The following HEATR4 variants were observed in gnomAD, a reference collection of about 807,000 sequenced individuals.
HEATR4 encodes HEAT repeat containing 4.
In HEATR4, 95 loss-of-function variants were observed where a neutral mutation model predicts 108.8. The observed-to-expected ratio is 0.87, with a 90% CI of 0.74 to 1.04. HEATR4 has a LOEUF of 1.04. HEATR4 is among the 50% of genes least tolerant of loss of function. The pLI, the probability that HEATR4 is intolerant of heterozygous loss-of-function variation, is 0.00. For synonymous variants in HEATR4, 443 were observed against 459.4 expected (o/e 0.96, Z 0.46); for missense variants, 1,152 against 1,253.8 (o/e 0.92, Z 1.23).
rs1491302054 is a variant in HEATR4 at position 73,506,807 on chromosome 14, T to TTTTTTTTTTTTGTTTG, written c.1882-237_1882-236insCAAACAAAAAAAAAAA. Among the ~76,000 whole-genome samples, 7 of 102,220 alleles carry TTTTTTTTTTTTGTTTG rather than the reference T, an allele frequency of 6.8e-5. 1 individual carries two copies. Among genetic ancestry groups the TTTTTTTTTTTTGTTTG allele is most frequent in the Non-Finnish European group, 1.2e-4 (6 of 51,874 alleles). 67.1% of individuals were successfully genotyped at this position (102,220 alleles called of 152,430 possible). A position where few individuals can be genotyped will look rare whatever the true frequency, so the allele number is the denominator to read the frequency against. ...CCTTCCTTTCCTGACTTTAACTGTT[T>TTTTTTTTTTTTGTTTG]TTTTTTTTTTTTTTTTTTCTGAGAA... is the stretch of plus-strand genomic sequence containing the variant. On this transcript the variant is annotated intron_variant, in intron 9 of 17. Transcript: ENST00000553558.
the HEATR4 span, among the ~76,000 whole-genome samples, chr14:73,578,891 C>CT: frequency 2.6e-5 from 4 of 151,776 alleles, no homozygotes; most frequent in Non-Finnish European, 4.4e-5. Flanking sequence ...CAAGACCATC[C>CT]TGGCTAACAC....
the HEATR4 span, chr14:73,569,720 G>A: frequency 6.2e-7 from 1 of 1,609,418 alleles, no homozygotes; most frequent in Non-Finnish European, 8.5e-7. Flanking sequence ...AGCGCGACGT[G>A]CGAACGCCCT....
chr14:73,576,751 G>A, the HEATR4 span, among the ~76,000 whole-genome samples: 262 of 117,294 alleles, frequency 2.2e-3, 1 homozygote, highest in African/African-American at 8.0e-3. Context: ...AGCTGAGATC[G>A]TGCTACTGTG....
the HEATR4 span, among the ~76,000 whole-genome samples, chr14:73,622,995 C>T: frequency 6.6e-6 from 1 of 151,856 alleles, no homozygotes; most frequent in Middle Eastern, 3.4e-3. Flanking sequence ...CTGCAACATC[C>T]GCCTCCCGGG....
intron 2 of HEATR4, among the ~76,000 whole-genome samples, chr14:73,525,480 A>G (rs748038110): frequency 2.0e-4 from 30 of 152,190 alleles, no homozygotes; most frequent in Non-Finnish European, 2.4e-4. Context: ...CCATGAAGGC[A>G]ACGTCTTCAT....
chr14:73,602,972 C>T, the HEATR4 span, among the ~76,000 whole-genome samples: 5 of 152,158 alleles, frequency 3.3e-5, no homozygotes, highest in African/African-American at 1.2e-4. Flanking sequence ...ATTCCCATGC[C>T]TTCTTACAAT....
the HEATR4 span, among the ~76,000 whole-genome samples, chr14:73,606,432 G>C: frequency 6.6e-6 from 1 of 151,778 alleles, no homozygotes; most frequent in Admixed American, 6.6e-5. Context: ...AGACTGATTT[G>C]AGTAATAATA....
the HEATR4 span, chr14:73,569,568 G>A: frequency 1.3e-6 from 2 of 1,599,668 alleles, no homozygotes; most frequent in Non-Finnish European, 8.5e-7. Context: ...GCTTTTCCAG[G>A]CCCACGCGCG....
At chr14:73,572,574 C>T in the HEATR4 span, among the ~76,000 whole-genome samples, 2 of 146,888 alleles carry the variant, frequency 1.4e-5, no homozygotes, top group Non-Finnish European at 3.0e-5. Context: ...GTCTGTGGGA[C>T]GTTGATGGTT....
chr14:73,478,773 CT>C lies in HEATR4; in HGVS notation c.2913del (p.Val972PhefsTer?). The stretch of plus-strand genomic sequence containing the variant: ...AGATCTTTGACAAGTGATGAACGAA[CT>C]TTGCTTCGTGTGGTTAGGCCTGGGA... Reference protein sequence around the residue: ...SSVPGLTTRSKVRSSLVKDLR... With the variant: ...SSVPGLTTRSXVRSSLVKDLR... On this transcript the variant is annotated frameshift_variant, in exon 18 of 18. Coordinates refer to ENST00000553558, the MANE Select transcript of HEATR4 (RefSeq NM_001220484.1). LOFTEE classifies it high-confidence loss of function. The C allele has an allele frequency of 6.2e-7, 1 of 1,613,934 alleles. No homozygotes were observed. Among genetic ancestry groups the C allele is most frequent in the Non-Finnish European group, 8.5e-7 (1 of 1,179,980 alleles).
Position 73,492,085 on chromosome 14 carries a change from C to A in HEATR4, c.2844+981G>T. The A allele has an allele frequency of 6.2e-7, 1 of 1,613,992 alleles. No individual in the cohort carries two copies. The highest frequency in any genetic ancestry group is 8.5e-7 in the Non-Finnish European group (1 of 1,179,884). ...TGCTGCAGCTGGAAGGTAGGAAACT[C>A]TGGCGTGTATACCGACCCCGAGTCC... On this transcript the variant is annotated intron_variant, in intron 17 of 17. Coordinates refer to ENST00000553558, the MANE Select transcript of HEATR4 (RefSeq NM_001220484.1). The surrounding 1 kb of genome is among the most constrained non-coding windows in gnomAD (Gnocchi z 4.9).
At position 73,506,553 on chromosome 14, in the gene HEATR4, G is replaced by C. The variant is rs1448105262; in HGVS notation, c.1900C>G (p.Leu634Val). 3 of 1,613,314 alleles carry C rather than the reference G, an allele frequency of 1.9e-6. No individual in the cohort carries two copies. In the East Asian group the frequency reaches 6.7e-5, roughly 36 times the overall value. Reference protein sequence around the residue: ...SEKTTLIHTMLAVELNSCQWK... With the variant: ...SEKTTLIHTMVAVELNSCQWK... ...TGACAGCTGTTCAGCTCCACAGCAA[G>C]CATGGTGTGTATCAGGGTCTGAGGA... Residue 634 changes from leucine (L) to valine (V), a missense_variant, in exon 10 of 18, where the codon CTT becomes GTT. By Grantham distance (32) the Leu-to-Val change is conservative. Coordinates refer to ENST00000553558, the MANE Select transcript of HEATR4 (RefSeq NM_001220484.1).
the HEATR4 span, among the ~76,000 whole-genome samples, chr14:73,576,710 C>G: frequency 7.1e-6 from 1 of 140,690 alleles, no homozygotes; most frequent in African/African-American, 2.6e-5. Flanking sequence ...GTGGGAGAAC[C>G]ACTTGAGCCC....
In HEATR4 at chr14:73,493,874, A is replaced by T. The variant is rs146796772; in HGVS notation, c.2786-750T>A. ...CAAAAACAAAAAAGAATCTTATCTG[A>T]TTGGGACCAGTTCACTAACTTTGGG... On this transcript the variant is annotated intron_variant, in intron 16 of 17. Coordinates refer to ENST00000553558, the MANE Select transcript of HEATR4 (RefSeq NM_001220484.1). Among the ~76,000 whole-genome samples the T allele has an allele frequency of 3.3e-5, 5 of 152,332 alleles. No homozygotes were observed. The East Asian group carries it at 7.7e-4, about 23-fold the overall frequency.
At chr14:73,529,533 C>G (rs1322480707) in intron 2 of HEATR4, among the ~76,000 whole-genome samples, 4 of 151,976 alleles carry the variant, frequency 2.6e-5, no homozygotes, top group Non-Finnish European at 1.5e-5. Context: ...CTTCCTAGAT[C>G]CCCAACTAGA....
At chr14:73,606,389 A>C in the HEATR4 span, among the ~76,000 whole-genome samples, 515 of 60,656 alleles carry the variant, frequency 8.5e-3, 1 homozygote, top group Non-Finnish European at 0.014. Context: ...CAAAACAAAA[A>C]AAAAAAAAAC....
intron 2 of HEATR4, among the ~76,000 whole-genome samples, chr14:73,526,536 G>A (rs1888347027): frequency 6.6e-6 from 1 of 152,142 alleles, no homozygotes; most frequent in South Asian, 2.1e-4. Flanking sequence ...CCTACTTGGG[G>A]AAAGGAGAGG....
At chr14:73,617,915 C>T in the HEATR4 span, among the ~76,000 whole-genome samples, 404 of 151,840 alleles carry the variant, frequency 2.7e-3, 4 homozygotes, top group African/African-American at 8.5e-3. Flanking sequence ...GAGGCCAAGG[C>T]GGGCAGATCA....
chr14:73,595,281 C>T, the HEATR4 span: 2 of 1,614,212 alleles, frequency 1.2e-6, no homozygotes, highest in Non-Finnish European at 1.7e-6. Flanking sequence ...ATAAGGAATG[C>T]TCTCGTAGGA....
Sources: gnomAD v4.1 joint callset for allele counts (sites outside exome capture counted in the v4.1 genomes callset) on GRCh38, gnomAD v4.1.1 for gene constraint, Gnocchi (gnomAD v3.1) non-coding constraint, MANE v1.5 for transcripts, NCBI Gene and HGNC (gene_info 2026-07-23, HGNC 2026-07-21) for gene names.